The following PSD3 variants were observed in gnomAD, a reference collection of about 807,000 sequenced individuals.
The protein encoded by PSD3 is PH and SEC7 domain-containing protein 3.
Under a neutral mutation model 105.5 loss-of-function variants are expected in PSD3, and 49 were observed. The observed-to-expected ratio is 0.46, with a 90% CI of 0.37 to 0.59. The LOEUF is 0.59. Ranked by LOEUF, PSD3 falls within the 20% of genes least tolerant of loss-of-function variation. PSD3 has a pLI of 0.00. For synonymous variants in PSD3, 557 were observed against 457.8 expected (o/e 1.22, Z -2.77); for missense variants, 1,561 against 1,263.8 (o/e 1.24, Z -3.57).
chr8:18,762,865 A>T, intron 9 of PSD3: 1 of 1,177,998 alleles, frequency 8.5e-7, no homozygotes, highest in South Asian at 1.4e-5. Context: ...TCAGAAAACA[A>T]CTACAACAAC....
chr8:18,969,011 G>C (rs1824465265), intron 1 of PSD3, among the ~76,000 whole-genome samples: 1 of 151,724 alleles, frequency 6.6e-6, no homozygotes, highest in Non-Finnish European at 1.5e-5. Context: ...AGCATGTATT[G>C]AGTTATTATA....
intron 4 of PSD3, among the ~76,000 whole-genome samples, chr8:18,843,607 C>T (rs1436215656): frequency 7.9e-5 from 12 of 152,130 alleles, no homozygotes; most frequent in Non-Finnish European, 1.8e-4. Flanking sequence ...CACCTAACAC[C>T]CCTGACCCAA....
chr8:18,780,468 T>C (rs1388180806), intron 8 of PSD3, among the ~76,000 whole-genome samples: 1 of 152,140 alleles, frequency 6.6e-6, no homozygotes, highest in Non-Finnish European at 1.5e-5. Context: ...TATTTTTTGG[T>C]TTTGTGTATC....
chr8:18,667,347 T>C (rs1363118675), intron 9 of PSD3, among the ~76,000 whole-genome samples: 2 of 152,156 alleles, frequency 1.3e-5, no homozygotes, highest in South Asian at 2.1e-4. Context: ...GATTGGTGTA[T>C]TTACAAACCC....
Position 18,765,549 on chromosome 8 carries a change from G to T in PSD3, c.2083-11C>A. 1 of 1,557,860 alleles carries T rather than the reference G, an allele frequency of 6.4e-7. No homozygotes were observed. The highest frequency in any genetic ancestry group is 2.2e-5 in the East Asian group (1 of 44,612). ...CTTCTTTCCAATATTCTGAAACAGA[G>T]GCAAACAGTACATCACTATGACATT... On this transcript the variant is annotated splice_polypyrimidine_tract_variant and intron_variant, in intron 8 of 15. Transcript: ENST00000327040.
chr8:19,006,757 C>A (rs1023313329), intron 1 of PSD3, among the ~76,000 whole-genome samples: 1 of 152,042 alleles, frequency 6.6e-6, no homozygotes, highest in African/African-American at 2.4e-5. Context: ...ACAATCCTTG[C>A]CAATACAGAT....
intron 14 of PSD3, 132 bp downstream of exon 14, chr8:18,572,396 T>C (rs753420959): frequency 1.0e-4 from 112 of 1,101,072 alleles, no homozygotes; most frequent in Non-Finnish European, 1.4e-4. Context: ...GCCTCATTTA[T>C]ATGATACGCT....
At chr8:18,626,664 T>C (rs1244345971) in intron 11 of PSD3, among the ~76,000 whole-genome samples, 2 of 152,088 alleles carry the variant, frequency 1.3e-5, no homozygotes, top group African/African-American at 4.8e-5. Flanking sequence ...AATTTGTTTA[T>C]AGTGACCATC....
chr8:18,983,741 G>A (rs554045992), intron 1 of PSD3, among the ~76,000 whole-genome samples: 55 of 151,966 alleles, frequency 3.6e-4, no homozygotes, highest in Non-Finnish European at 6.9e-4. Context: ...GCTCATGCCT[G>A]TAATCCTACC....
intron 9 of PSD3, among the ~76,000 whole-genome samples, chr8:18,717,001 G>A (rs1802644163): frequency 6.6e-6 from 1 of 152,074 alleles, no homozygotes; most frequent in Non-Finnish European, 1.5e-5. Context: ...TTAATCAAGG[G>A]TAAGTTTTTT....
At chr8:18,669,604 C>A (rs946883025) in intron 9 of PSD3, among the ~76,000 whole-genome samples, 27 of 152,154 alleles carry the variant, frequency 1.8e-4, no homozygotes, top group African/African-American at 6.0e-4. Flanking sequence ...AGGAAGGATT[C>A]GCGTCCACAT....
At chr8:18,881,270 A>C (rs1818084266) in intron 2 of PSD3, among the ~76,000 whole-genome samples, 1 of 152,218 alleles carries the variant, frequency 6.6e-6, no homozygotes, top group Non-Finnish European at 1.5e-5. Context: ...GCTTTGGGTT[A>C]TATATTAAGT....
At chr8:18,633,118 A>C (rs1417031444) in intron 10 of PSD3, among the ~76,000 whole-genome samples, 1 of 152,028 alleles carries the variant, frequency 6.6e-6, no homozygotes, top group East Asian at 1.9e-4. Context: ...AAAATCCCTA[A>C]AGTCATTGGT....
chr8:18,750,822 G>A (rs1805422192), intron 9 of PSD3, among the ~76,000 whole-genome samples: 2 of 152,066 alleles, frequency 1.3e-5, no homozygotes, highest in Non-Finnish European at 2.9e-5. Context: ...AGTGTCGATT[G>A]GTGCACTCAC....
chr8:18,816,958 T>C (rs190127033), intron 4 of PSD3, among the ~76,000 whole-genome samples: 1 of 152,064 alleles, frequency 6.6e-6, no homozygotes, highest in Admixed American at 6.5e-5. Context: ...ACCATGTGAG[T>C]AGAAAATAGA....
intron 1 of PSD3, among the ~76,000 whole-genome samples, chr8:18,960,750 AATTT>A (rs970103396): frequency 3.3e-5 from 5 of 152,106 alleles, no homozygotes; most frequent in African/African-American, 1.2e-4. Flanking sequence ...GGAAAACAGC[AATTT>A]ATTTATTTAT....
chr8:18,648,045 A>G (rs1244211191), intron 10 of PSD3, among the ~76,000 whole-genome samples: 3 of 152,220 alleles, frequency 2.0e-5, no homozygotes, highest in Admixed American at 1.3e-4. Flanking sequence ...TTTTTATATA[A>G]ATTACCCAGT....
At chr8:18,812,060 C>T (rs1374490612) in intron 4 of PSD3, among the ~76,000 whole-genome samples, 1 of 152,196 alleles carries the variant, frequency 6.6e-6, no homozygotes, top group Non-Finnish European at 1.5e-5. Context: ...CTTCCTAAAT[C>T]TCGGATCAGA....
chr8:18,650,187 C>T (rs9918925), intron 10 of PSD3, among the ~76,000 whole-genome samples: 48,721 of 152,014 alleles, frequency 0.32, 8,091 homozygotes, highest in Middle Eastern at 0.49. Flanking sequence ...TTGTGTTAAT[C>T]GTTGTATTTT....
Sources: allele counts gnomAD v4.1 joint callset (sites outside exome capture counted in the v4.1 genomes callset), GRCh38; gene constraint gnomAD v4.1.1; transcripts MANE v1.5; gene names NCBI Gene and HGNC (gene_info 2026-07-23, HGNC 2026-07-21).